The following EHBP1 variants were observed in gnomAD, a reference collection of about 807,000 sequenced individuals.
The protein encoded by EHBP1 is EH domain-binding protein 1.
In EHBP1, 55 loss-of-function variants were observed where a neutral mutation model predicts 144.0. That is an observed-to-expected ratio of 0.38 (90% CI 0.31 to 0.48). EHBP1 has a LOEUF of 0.48. Among genes scored for constraint, EHBP1 ranks in the 20% least tolerant of loss-of-function variants. The pLI is 0.98. For synonymous variants in EHBP1, 469 were observed against 472.7 expected (o/e 0.99, Z 0.10); for missense variants, 1,200 against 1,364.2 (o/e 0.88, Z 1.90).
intron 10 of EHBP1, among the ~76,000 whole-genome samples, chr2:62,925,003 ACT>A (rs914290901): frequency 6.6e-6 from 1 of 152,176 alleles, no homozygotes; most frequent in Non-Finnish European, 1.5e-5. Flanking sequence ...GGCAATAGAA[ACT>A]CCACCATGAC....
In EHBP1 at chr2:62,978,030, G is replaced by A. The variant is rs553164024; in HGVS notation, c.2461-1158G>A. ...TACAAACAATTCTGTATGAATAGAT[G>A]TGAAGATTTATGGAGGTTCGGAGAT... On this transcript the variant is annotated intron_variant, in intron 14 of 22. Coordinates refer to ENST00000431489, the MANE Select transcript of EHBP1 (RefSeq NM_001142616.3). 2.0e-5 allele frequency among the ~76,000 whole-genome samples: 3 copies of A among 152,222 alleles called. No homozygotes were observed. In the South Asian group the frequency reaches 6.2e-4, roughly 32 times the overall value.
At chr2:62,841,545 G>A (rs969606433) in intron 7 of EHBP1, among the ~76,000 whole-genome samples, 12 of 152,096 alleles carry the variant, frequency 7.9e-5, no homozygotes, top group African/African-American at 2.9e-4. Context: ...TGTAGAATGA[G>A]AGATGCAGTA....
intron 7 of EHBP1, 99 bp from the exon 8 acceptor site, chr2:62,859,070 G>T: frequency 8.7e-7 from 1 of 1,148,426 alleles, no homozygotes; most frequent in Admixed American, 2.2e-5. Flanking sequence ...TTATTTGCAG[G>T]TATTATTCGT....
At chr2:62,874,017 TCTTA>T (rs1322833549) in intron 9 of EHBP1, among the ~76,000 whole-genome samples, 3 of 152,186 alleles carry the variant, frequency 2.0e-5, no homozygotes, top group South Asian at 2.1e-4. Flanking sequence ...ATTTTTTACA[TCTTA>T]CTTCCTTTTC....
chr2:62,945,904 C>G (rs1011216584), intron 12 of EHBP1, among the ~76,000 whole-genome samples: 2 of 152,116 alleles, frequency 1.3e-5, no homozygotes, highest in Non-Finnish European at 2.9e-5. Context: ...AGAAATTACC[C>G]TTTGGATGGG....
intron 5 of EHBP1, among the ~76,000 whole-genome samples, chr2:62,811,705 T>C (rs1348911223): frequency 6.6e-6 from 1 of 152,174 alleles, no homozygotes; most frequent in African/African-American, 2.4e-5. Context: ...TGTTCTTGCA[T>C]TGGGGTGACA....
rs766737386 is a variant in EHBP1, at chr2:62,948,994, T to C, written c.2148T>C (p.Ser716=). 1 of 1,613,830 alleles carries C rather than the reference T, an allele frequency of 6.2e-7. No homozygotes were observed. Among genetic ancestry groups the C allele is most frequent in the Non-Finnish European group, 8.5e-7 (1 of 1,179,934 alleles). Residue 716 remains serine (S), a synonymous_variant, in exon 13 of 23, where the codon TCT becomes TCC. Coordinates refer to ENST00000431489, the MANE Select transcript of EHBP1 (RefSeq NM_001142616.3). The part of the protein sequence containing the change: ...RSLECRSDPE[S]PIKKTSLSPT... The stretch of plus-strand genomic sequence containing the variant: ...TAGAATGCAGATCAGATCCAGAATC[T>C]CCTATCAAAAAAACAAGTTTATCTC...
At chr2:62,800,017 A>T (rs1320885713) in intron 5 of EHBP1, among the ~76,000 whole-genome samples, 2 of 152,226 alleles carry the variant, frequency 1.3e-5, no homozygotes, top group African/African-American at 2.4e-5. Flanking sequence ...TCGTCACCTA[A>T]AGGTGAAAAC....
At chr2:62,841,437 A>C (rs912039007) in intron 7 of EHBP1, among the ~76,000 whole-genome samples, 5 of 151,930 alleles carry the variant, frequency 3.3e-5, no homozygotes, top group African/African-American at 1.2e-4. Flanking sequence ...ACATGTATAC[A>C]TATGTAACTA....
intron 2 of EHBP1, among the ~76,000 whole-genome samples, chr2:62,720,940 C>T (rs906676141): frequency 1.3e-5 from 2 of 152,144 alleles, no homozygotes; most frequent in East Asian, 1.9e-4. Flanking sequence ...TATCACATCA[C>T]CCAGCTTTTT....
At chr2:62,858,415 A>G in intron 7 of EHBP1, 1 of 1,596,950 alleles carries the variant, frequency 6.3e-7, no homozygotes, top group Non-Finnish European at 8.6e-7. Flanking sequence ...GAAATTGTAA[A>G]CCAGTTGAAT....
rs2056703136 is a variant in EHBP1 at position 62,940,701 on chromosome 2, T to C, written c.1186-2017T>C. On this transcript the variant is annotated intron_variant, in intron 10 of 22. Coordinates refer to ENST00000431489, the MANE Select transcript of EHBP1 (RefSeq NM_001142616.3). ...GATTTTCTTTCTTTGTAAACCACCG[T>C]GACCATTTATAGGGCTTGTAATTTC... Among the ~76,000 whole-genome samples, 3 of 152,202 alleles carry C rather than the reference T, an allele frequency of 2.0e-5. No individual in the cohort carries two copies. The South Asian group carries it at 6.2e-4, about 32-fold the overall frequency.
At chr2:63,020,782 C>T (rs2060709097) in intron 19 of EHBP1, among the ~76,000 whole-genome samples, 1 of 151,506 alleles carries the variant, frequency 6.6e-6, no homozygotes, top group South Asian at 2.1e-4. Flanking sequence ...AGGTTCAAGC[C>T]ATTCTCCTGC....
chr2:63,008,156 TC>T (rs2060121879), intron 19 of EHBP1, among the ~76,000 whole-genome samples: 1 of 151,810 alleles, frequency 6.6e-6, no homozygotes, highest in Admixed American at 6.6e-5. Context: ...ACTTTGACTA[TC>T]TAGTTAGCAT....
chr2:62,806,152 T>A (rs912501077), intron 5 of EHBP1, among the ~76,000 whole-genome samples: 1 of 151,974 alleles, frequency 6.6e-6, no homozygotes, highest in Non-Finnish European at 1.5e-5. Context: ...GCTAATTTTT[T>A]AATATTTTTT....
rs1225253601 is a variant in EHBP1 at position 62,949,049 on chromosome 2, A to G, written c.2203A>G (p.Arg735Gly). 2 of 1,613,392 alleles carry G rather than the reference A, an allele frequency of 1.2e-6. No individual in the cohort carries two copies. Among genetic ancestry groups the G allele is most frequent in the East Asian group, 2.2e-5 (1 of 44,838 alleles). Residue 735 changes from arginine (R) to glycine (G), a missense_variant, in exon 13 of 23, where the codon AGA becomes GGA. Coordinates refer to ENST00000431489, the MANE Select transcript of EHBP1 (RefSeq NM_001142616.3). ...TTCTAAACTTGGATACTCATATAGT[A>G]GAGATCTAGACCTTGCTAAGAAAAA... ...PTSKLGYSYS[R>G]DLDLAKKKHA...
chr2:63,041,123 T>C (rs2061643666), intron 21 of EHBP1, among the ~76,000 whole-genome samples: 1 of 152,166 alleles, frequency 6.6e-6, no homozygotes. Flanking sequence ...CCATGGCACA[T>C]TGAAAGAAAT....
chr2:62,787,939 A>G (rs143643524), intron 5 of EHBP1, among the ~76,000 whole-genome samples: 125 of 152,278 alleles, frequency 8.2e-4, no homozygotes, highest in Non-Finnish European at 1.2e-3. Flanking sequence ...TTAAGTAGCA[A>G]CTCTTTAAGG....
intron 15 of EHBP1, among the ~76,000 whole-genome samples, chr2:62,986,443 CT>C (rs397869234): frequency 0.015 from 2,024 of 135,632 alleles, 35 homozygotes; most frequent in African/African-American, 0.045. Flanking sequence ...TTCTTTTTTC[CT>C]TTTTTTTTTT....
Sources: allele counts gnomAD v4.1 joint callset (sites outside exome capture counted in the v4.1 genomes callset), GRCh38; gene constraint gnomAD v4.1.1; transcripts MANE v1.5; gene names NCBI Gene and HGNC (gene_info 2026-07-23, HGNC 2026-07-21).